NCOA1: variants seen among roughly 807,000 people sequenced by gnomAD.
NCOA1 encodes the protein Hin-2 protein.
In NCOA1, 35 loss-of-function variants were observed where a neutral mutation model predicts 150.9. The observed-to-expected ratio is 0.23, with a 90% CI of 0.18 to 0.31. The LOEUF is 0.31. NCOA1 is among the 10% of genes least tolerant of loss of function. NCOA1 has a pLI of 1.00. For synonymous variants in NCOA1, 590 were observed against 630.0 expected (o/e 0.94, Z 0.95); for missense variants, 1,491 against 1,749.3 (o/e 0.85, Z 2.63).
chr2:24,594,705 GCC>G (rs1667818630), intron 3 of NCOA1, among the ~76,000 whole-genome samples: 1 of 152,046 alleles, frequency 6.6e-6, no homozygotes, highest in Non-Finnish European at 1.5e-5. Flanking sequence ...TGATAAGTCA[GCC>G]CTCTCAGCTT....
At chr2:24,666,165 C>T (rs1671416761) in intron 6 of NCOA1, among the ~76,000 whole-genome samples, 1 of 151,776 alleles carries the variant, frequency 6.6e-6, no homozygotes, top group Non-Finnish European at 1.5e-5. Context: ...GCGCCTGCCA[C>T]TATACCTGGC....
chr2:24,641,074 A>G (rs1670194017), intron 3 of NCOA1, among the ~76,000 whole-genome samples: 2 of 151,904 alleles, frequency 1.3e-5, no homozygotes. Context: ...ATACTTTCTT[A>G]TATTTTCAAA....
chr2:24,665,355 T>G (rs1249321831), intron 5 of NCOA1, among the ~76,000 whole-genome samples: 2 of 152,218 alleles, frequency 1.3e-5, no homozygotes, highest in African/African-American at 4.8e-5. Context: ...CTCTGCTTAA[T>G]TTGTAACAGT....
intron 3 of NCOA1, among the ~76,000 whole-genome samples, chr2:24,612,924 A>G (rs1260026603): frequency 2.6e-5 from 4 of 152,104 alleles, no homozygotes; most frequent in South Asian, 2.1e-4. Context: ...CTGGAGAGCT[A>G]GTGTGATTAT....
In NCOA1 at chr2:24,707,136, G is replaced by C. The variant is rs1006600430; in HGVS notation, c.1666G>C (p.Ala556Pro). The C allele has an allele frequency of 6.2e-7, 1 of 1,614,046 alleles. No individual in the cohort carries two copies. The highest frequency in any genetic ancestry group is 1.3e-5 in the African/African-American group (1 of 74,912). ...ACCCAATAACTCCGTTGGCTTCTCT[G>C]CCAGTTCTCCAGTCCTCAGGCAGAT... is the stretch of plus-strand genomic sequence containing the variant. ...EGPNNSVGFS[A>P]SSPVLRQMSS... Residue 556 changes from alanine to proline, a missense_variant, in exon 13 of 23, where the codon GCC becomes CCC. Around this residue, in one of 8 missense-constraint regions of NCOA1, gnomAD observed 703 missense variants for 717.7 expected, o/e 0.98. Transcript: ENST00000348332.
intron 8 of NCOA1, among the ~76,000 whole-genome samples, chr2:24,691,068 C>T (rs775607055): frequency 2.4e-4 from 36 of 152,116 alleles, no homozygotes; most frequent in Non-Finnish European, 4.4e-4. Context: ...CTTAAGAATC[C>T]GTGATTGCCA....
At position 24,523,796 on chromosome 2, in the gene NCOA1, C is replaced by T. The variant is rs555014414; in HGVS notation, c.-396+32194C>T. ...CAAAAATCAGCTGGGCGTGGTGGCG[C>T]GTGCCTGTAGTCCCAGCTGCTTGGG... On this transcript the variant is annotated intron_variant, in intron 1 of 22. Coordinates refer to ENST00000348332, the MANE Select transcript of NCOA1 (RefSeq NM_003743.5). Among the ~76,000 whole-genome samples the T allele has an allele frequency of 2.9e-3, 417 of 145,578 alleles. 2 individuals are homozygous for T. Among genetic ancestry groups the T allele is most frequent in the African/African-American group, 9.9e-3 (394 of 39,662 alleles).
Position 24,541,987 on chromosome 2 carries a change from T to C in NCOA1, c.-395-22308T>C, listed in dbSNP as rs978745839. ...AAAAGATTTTGGAAAACAAAATCAT[T>C]AATATTGAACTAAAATTAATAATAA... On this transcript the variant is annotated intron_variant, in intron 1 of 22. Coordinates refer to ENST00000348332, the MANE Select transcript of NCOA1 (RefSeq NM_003743.5). Among the ~76,000 whole-genome samples the C allele has an allele frequency of 2.6e-5, 4 of 152,176 alleles. No homozygotes were observed. In the East Asian group the frequency reaches 7.7e-4, roughly 29 times the overall value.
intron 14 of NCOA1, among the ~76,000 whole-genome samples, chr2:24,725,046 A>G (rs1245080457): frequency 5.3e-5 from 8 of 152,142 alleles, no homozygotes; most frequent in African/African-American, 7.2e-5. Context: ...TGTAACTTTT[A>G]TTTCTCAGTT....
intron 3 of NCOA1, among the ~76,000 whole-genome samples, chr2:24,602,529 A>C (rs1204386047): frequency 6.6e-6 from 1 of 152,104 alleles, no homozygotes; most frequent in Non-Finnish European, 1.5e-5. Flanking sequence ...ATACACTCTA[A>C]GTTATTTTCC....
intron 4 of NCOA1, among the ~76,000 whole-genome samples, chr2:24,648,751 C>T (rs1670586467): frequency 6.6e-6 from 1 of 152,070 alleles, no homozygotes; most frequent in South Asian, 2.1e-4. Context: ...TACCATATAC[C>T]ATTAAAGAAC....
At chr2:24,759,085 TC>T (rs56226330) in intron 21 of NCOA1, among the ~76,000 whole-genome samples, 22,475 of 152,246 alleles carry the variant, frequency 0.15, 2,066 homozygotes, top group Non-Finnish European at 0.21. Context: ...ACCTTTTAAT[TC>T]AATAAGCATT....
At chr2:24,716,468 A>G (rs1674051151) in intron 14 of NCOA1, among the ~76,000 whole-genome samples, 1 of 152,226 alleles carries the variant, frequency 6.6e-6, no homozygotes, top group Non-Finnish European at 1.5e-5. Flanking sequence ...TCATTTCAAT[A>G]CATGGTGATA....
intron 7 of NCOA1, among the ~76,000 whole-genome samples, chr2:24,678,413 A>G (rs545393225): frequency 6.6e-6 from 1 of 152,282 alleles, no homozygotes; most frequent in East Asian, 1.9e-4. Flanking sequence ...CAGTAATGGG[A>G]TTGCTGGGTC....
intron 20 of NCOA1, among the ~76,000 whole-genome samples, chr2:24,756,742 A>C (rs1162738146): frequency 2.6e-5 from 4 of 152,228 alleles, no homozygotes; most frequent in African/African-American, 9.6e-5. Flanking sequence ...TTAGATGTGC[A>C]TATCTGTATC....
intron 14 of NCOA1, among the ~76,000 whole-genome samples, chr2:24,718,789 A>C (rs1239520371): frequency 6.6e-6 from 1 of 151,428 alleles, no homozygotes; most frequent in African/African-American, 2.4e-5. Context: ...GAATGGCCTG[A>C]ACCCGGGAGG....
chr2:24,628,389 C>G (rs1198735660), intron 3 of NCOA1, among the ~76,000 whole-genome samples: 1 of 151,490 alleles, frequency 6.6e-6, no homozygotes. Flanking sequence ...GTGTAATGTT[C>G]TTTGACCAGT....
At chr2:24,614,300 C>G (rs960695957) in intron 3 of NCOA1, among the ~76,000 whole-genome samples, 14 of 140,330 alleles carry the variant, frequency 1.0e-4, no homozygotes, top group African/African-American at 3.7e-4. Context: ...TGCATGCAGC[C>G]TCAACCACCT....
At chr2:24,516,535 C>A (rs191071979) in intron 1 of NCOA1, among the ~76,000 whole-genome samples, 2 of 151,476 alleles carry the variant, frequency 1.3e-5, no homozygotes, top group Non-Finnish European at 2.9e-5. Flanking sequence ...GATAAAAGTT[C>A]ATTACATTGT....
Sources: allele counts gnomAD v4.1 joint callset (sites outside exome capture counted in the v4.1 genomes callset), GRCh38; gene constraint gnomAD v4.1.1; regional missense constraint gnomAD v4.1.1; transcripts MANE v1.5; gene names NCBI Gene and HGNC (gene_info 2026-07-23, HGNC 2026-07-21).